Variants in DCC observed in about 807,000 individuals in gnomAD.
DCC encodes DCC netrin 1 receptor.
Under a neutral mutation model 172.5 loss-of-function variants are expected in DCC, and 58 were observed. The ratio of observed to expected loss-of-function variants is 0.34; its 90% CI spans 0.27 to 0.42. DCC has a LOEUF of 0.42. DCC is among the 10% of genes least tolerant of loss of function. DCC has a pLI of 1.00. For synonymous variants in DCC, 709 were observed against 644.5 expected (o/e 1.10, Z -1.52); for missense variants, 1,740 against 1,791.0 (o/e 0.97, Z 0.51).
At chr18:52,473,959 C>T (rs1285355482) in intron 1 of DCC, among the ~76,000 whole-genome samples, 1 of 152,078 alleles carries the variant, frequency 6.6e-6, no homozygotes, top group Non-Finnish European at 1.5e-5. Context: ...GCAGCAGTGA[C>T]CCTGAACTGC....
chr18:52,984,757 A>T (rs1478266910), intron 5 of DCC, among the ~76,000 whole-genome samples: 2 of 152,130 alleles, frequency 1.3e-5, no homozygotes, highest in East Asian at 3.9e-4. Context: ...CTCCAGAGCT[A>T]AGTACTATAA....
intron 5 of DCC, among the ~76,000 whole-genome samples, chr18:53,033,858 T>C (rs564075942): frequency 3.9e-5 from 6 of 152,278 alleles, no homozygotes; most frequent in African/African-American, 1.4e-4. Flanking sequence ...AAAACTTTGC[T>C]TATTAAGGTC....
chr18:53,011,137 C>A (rs1276068502), intron 5 of DCC, among the ~76,000 whole-genome samples: 2 of 151,340 alleles, frequency 1.3e-5, no homozygotes, highest in Middle Eastern at 4.4e-3. Flanking sequence ...AAAGCAAAAA[C>A]AAGAGTATGT....
intron 1 of DCC, among the ~76,000 whole-genome samples, chr18:52,490,562 C>T (rs117000866): frequency 0.01 from 1,527 of 152,174 alleles, 59 homozygotes; most frequent in Admixed American, 0.064. Flanking sequence ...CAGGCACTTG[C>T]TTCCCCGTGA....
intron 1 of DCC, among the ~76,000 whole-genome samples, chr18:52,453,091 A>G (rs1988355155): frequency 1.3e-5 from 2 of 152,236 alleles, no homozygotes; most frequent in Non-Finnish European, 2.9e-5. Flanking sequence ...TTGTCACAGT[A>G]CACGCACCAC....
rs776080029 is a variant in DCC, at chr18:52,802,643, CTTTTTTTTTTTTTTTTTTTTTTT to C, written c.412+50287_412+50309del. On this transcript the variant is annotated intron_variant, in intron 2 of 28. Coordinates refer to ENST00000442544, the MANE Select transcript of DCC (RefSeq NM_005215.4). ...ACAGGTACACATCACCACGCCAAGC[CTTTTTTTTTTTTTTTTTTTTTTT>C]TTTTTTTTTTTTTTTTTAATGGAGA... Among the ~76,000 whole-genome samples, 219 of 38,206 alleles carry C rather than the reference CTTTTTTTTTTTTTTTTTTTTTTT, an allele frequency of 5.7e-3. 6 individuals carry two copies. Among genetic ancestry groups the C allele is most frequent in the East Asian group, 0.057 (47 of 822 alleles). The allele number at this position is 38,206 out of a possible 152,430, so 25.1% of individuals were successfully genotyped here. A position where few individuals can be genotyped will look rare whatever the true frequency, so the allele number is the denominator to read the frequency against.
intron 1 of DCC, among the ~76,000 whole-genome samples, chr18:52,536,196 G>T (rs916128980): frequency 1.3e-5 from 2 of 152,092 alleles, no homozygotes; most frequent in African/African-American, 4.8e-5. Flanking sequence ...AACCATGTGG[G>T]TATATGTCGG....
At chr18:52,376,270 G>T (rs920313659) in intron 1 of DCC, among the ~76,000 whole-genome samples, 1 of 152,150 alleles carries the variant, frequency 6.6e-6, no homozygotes, top group South Asian at 2.1e-4. Context: ...CCAATTAAGA[G>T]GTGCAGAAAA....
chr18:53,397,515 A>T, intron 18 of DCC, 69 bp downstream of exon 18: 1 of 1,544,250 alleles, frequency 6.5e-7, no homozygotes, highest in Non-Finnish European at 8.9e-7. Context: ...AAATTAGAAC[A>T]TGTGTTCCCT....
At chr18:52,745,467 G>A (rs2036892876) in intron 1 of DCC, among the ~76,000 whole-genome samples, 1 of 152,018 alleles carries the variant, frequency 6.6e-6, no homozygotes, top group Non-Finnish European at 1.5e-5. Flanking sequence ...GTATGGGGCA[G>A]GGCCTAGAAT....
intron 5 of DCC, among the ~76,000 whole-genome samples, chr18:53,007,803 A>C (rs932676631): frequency 3.2e-4 from 48 of 152,092 alleles, no homozygotes; most frequent in Non-Finnish European, 4.1e-4. Context: ...CAGTGTTATA[A>C]AATATAGTAG....
intron 15 of DCC, among the ~76,000 whole-genome samples, chr18:53,353,840 T>A (rs1476538548): frequency 6.6e-6 from 1 of 152,182 alleles, no homozygotes; most frequent in African/African-American, 2.4e-5. Context: ...TACATATGTA[T>A]ACATGTGCCA....
At chr18:52,723,890 C>T (rs547525561) in intron 1 of DCC, among the ~76,000 whole-genome samples, 11 of 152,228 alleles carry the variant, frequency 7.2e-5, no homozygotes, top group Admixed American at 1.3e-4. Context: ...TGATCGGAGA[C>T]GACATGATTC....
intron 3 of DCC, among the ~76,000 whole-genome samples, chr18:52,913,883 C>A (rs1178194531): frequency 6.6e-6 from 1 of 152,030 alleles, no homozygotes; most frequent in Non-Finnish European, 1.5e-5. Flanking sequence ...GTGAAAAGAC[C>A]TGTAGAGCTT....
chr18:52,369,489 G>C (rs940484364), intron 1 of DCC, among the ~76,000 whole-genome samples: 13 of 152,044 alleles, frequency 8.6e-5, no homozygotes, highest in Admixed American at 3.9e-4. Flanking sequence ...CGATGGAAGA[G>C]TGGGTGAATA....
intron 1 of DCC, among the ~76,000 whole-genome samples, chr18:52,638,777 C>T (rs1272526076): frequency 2.0e-5 from 3 of 152,086 alleles, no homozygotes; most frequent in African/African-American, 7.2e-5. Context: ...AATACTCCAC[C>T]AACTGCACTA....
intron 25 of DCC, among the ~76,000 whole-genome samples, chr18:53,470,700 C>T (rs1274913480): frequency 6.6e-6 from 1 of 152,040 alleles, no homozygotes; most frequent in East Asian, 1.9e-4. Context: ...AAGCAAGTAC[C>T]TTCTTCACAA....
chr18:52,834,280 T>C (rs8094747), intron 2 of DCC, among the ~76,000 whole-genome samples: 66,725 of 151,744 alleles, frequency 0.44, 14,794 homozygotes, highest in South Asian at 0.55. Context: ...ATCTCATATC[T>C]TAACGGAAAC....
At chr18:53,441,489 C>T (rs186421926) in intron 22 of DCC, among the ~76,000 whole-genome samples, 10 of 152,058 alleles carry the variant, frequency 6.6e-5, no homozygotes, top group South Asian at 4.2e-4. Context: ...TCCACCCCGA[C>T]GTATTCAAGA....
Sources: allele counts gnomAD v4.1 joint callset (sites outside exome capture counted in the v4.1 genomes callset), GRCh38; gene constraint gnomAD v4.1.1; transcripts MANE v1.5; gene names NCBI Gene and HGNC (gene_info 2026-07-23, HGNC 2026-07-21).